TRPS1: variants seen among roughly 807,000 people sequenced by gnomAD.
TRPS1 encodes zinc finger transcription factor Trps1.
A neutral mutation model predicts 101.2 loss-of-function variants in TRPS1; 6 were observed. The observed-to-expected ratio is 0.06, with a 90% confidence interval of 0.03 to 0.12. TRPS1 has a LOEUF of 0.12. TRPS1 is among the 10% of genes least tolerant of loss of function. TRPS1 has a pLI of 1.00. For synonymous variants in TRPS1, 578 were observed against 589.8 expected (o/e 0.98, Z 0.29); for missense variants, 1,363 against 1,567.0 (o/e 0.87, Z 2.20).
At chr8:115,447,030 A>C (rs1444249969) in intron 5 of TRPS1, among the ~76,000 whole-genome samples, 2 of 152,098 alleles carry the variant, frequency 1.3e-5, no homozygotes, top group Non-Finnish European at 2.9e-5. Context: ...GCCCTACTCC[A>C]AGACCCGGTG....
intron 1 of TRPS1, among the ~76,000 whole-genome samples, chr8:115,625,396 T>C (rs1818483288): frequency 6.6e-6 from 1 of 151,894 alleles, no homozygotes; most frequent in Admixed American, 6.6e-5. Context: ...TCTACAATAG[T>C]TCCGGTTAAT....
rs62513007 is a variant in TRPS1, at chr8:115,535,093, C to A, written c.2700+51908G>T. Reference sequence around the variant, plus strand: ...ATAAGCATATATATAGCATATATATCGCATATGTATAGCATATATATCGCA... The same window carrying A: ...ATAAGCATATATATAGCATATATATAGCATATGTATAGCATATATATCGCA... On this transcript the variant is annotated intron_variant, in intron 5 of 6. Coordinates refer to ENST00000395715, the MANE Select transcript of TRPS1 (RefSeq NM_014112.5). 1.3e-4 allele frequency among the ~76,000 whole-genome samples: 18 copies of A among 142,806 alleles called. No homozygotes were observed. The East Asian group carries it at 2.9e-3, about 23-fold the overall frequency. The allele number at this position is 142,806 out of a possible 152,430, so 93.7% of individuals were successfully genotyped here. A position where few individuals can be genotyped will look rare whatever the true frequency, so the allele number is the denominator to read the frequency against.
chr8:115,649,543 G>C (rs563125503), intron 1 of TRPS1, among the ~76,000 whole-genome samples: 78 of 152,310 alleles, frequency 5.1e-4, no homozygotes, highest in African/African-American at 1.9e-3. Flanking sequence ...TGCTCAACCA[G>C]TGTGAATCAG....
intron 5 of TRPS1, chr8:115,511,221 T>G (rs1333065160): frequency 6.6e-6 from 1 of 151,880 alleles, no homozygotes. Flanking sequence ...ATTTAGTAGA[T>G]GTCTATAAAT....
intron 5 of TRPS1, among the ~76,000 whole-genome samples, chr8:115,491,270 A>T (rs192823703): frequency 2.9e-4 from 44 of 152,346 alleles, no homozygotes; most frequent in Admixed American, 2.9e-3. Context: ...ATGTTGCCAG[A>T]TAAAACTCCA....
intron 5 of TRPS1, among the ~76,000 whole-genome samples, chr8:115,527,764 G>A (rs1816034623): frequency 6.6e-6 from 1 of 152,036 alleles, no homozygotes; most frequent in African/African-American, 2.4e-5. Flanking sequence ...GGATAATTGA[G>A]CATTAATAAA....
intron 5 of TRPS1, among the ~76,000 whole-genome samples, chr8:115,554,372 C>T (rs1816770693): frequency 6.6e-6 from 1 of 152,176 alleles, no homozygotes; most frequent in South Asian, 2.1e-4. Context: ...AGGGCCCCAC[C>T]TCATACCAAA....
intron 5 of TRPS1, among the ~76,000 whole-genome samples, chr8:115,451,659 T>C (rs933477255): frequency 1.3e-5 from 2 of 152,320 alleles, no homozygotes; most frequent in Admixed American, 1.3e-4. Context: ...CATGTCTTTA[T>C]GCTGGTGCTT....
chr8:115,579,901 C>T (rs1290900845), intron 5 of TRPS1, among the ~76,000 whole-genome samples: 1 of 134,098 alleles, frequency 7.5e-6, no homozygotes, highest in Non-Finnish European at 1.5e-5. Context: ...CAATTTATCA[C>T]AAGTGTGCTG....
intron 1 of TRPS1, among the ~76,000 whole-genome samples, chr8:115,659,795 G>C (rs1168399131): frequency 6.6e-6 from 1 of 151,848 alleles, no homozygotes; most frequent in Non-Finnish European, 1.5e-5. Flanking sequence ...TGTCTATCAT[G>C]CTCTCATTTC....
At position 115,414,201 on chromosome 8, in the gene TRPS1, A is replaced by G. The variant is rs1812855997; in HGVS notation, c.3707T>C (p.Val1236Ala). Residue 1236 changes from valine (V) to alanine (A), a missense_variant, in exon 7 of 7, where the codon GTC (valine) becomes GCC (alanine). Val to Ala is a moderately conservative substitution (Grantham distance 64, BLOSUM62 0). This residue lies in a region of TRPS1 where 307 missense variants were observed against 392.4 expected (regional missense o/e 0.78). Transcript: ENST00000395715. The surrounding 1 kb of genome is among the most constrained non-coding windows in gnomAD (Gnocchi z 4.8). ...AGCATACATCACTTCATCCAGAAAG[A>G]CAATGCCACAGTGCACACATTTTGT... ...LSTKCVHCGI[V>A]FLDEVMYALH... 6.2e-7 allele frequency: 1 copy of G among 1,614,058 alleles called. No individual in the cohort carries two copies. Among genetic ancestry groups the G allele is most frequent in the Non-Finnish European group, 8.5e-7 (1 of 1,179,952 alleles).
chr8:115,462,378 C>T (rs1814201969), intron 5 of TRPS1, among the ~76,000 whole-genome samples: 1 of 152,106 alleles, frequency 6.6e-6, no homozygotes, highest in Non-Finnish European at 1.5e-5. Context: ...TACTTGGATC[C>T]ACTCTTGCTG....
chr8:115,557,004 T>G (rs558284710), intron 5 of TRPS1, among the ~76,000 whole-genome samples: 1 of 152,132 alleles, frequency 6.6e-6, no homozygotes, highest in African/African-American at 2.4e-5. Context: ...GGACTTACAA[T>G]TCCACATGGC....
At chr8:115,575,256 A>G (rs1360270751) in intron 5 of TRPS1, among the ~76,000 whole-genome samples, 1 of 152,202 alleles carries the variant, frequency 6.6e-6, no homozygotes, top group Non-Finnish European at 1.5e-5. Context: ...CTAGTACAAC[A>G]TATAGTGAAA....
chr8:115,460,985 A>G (rs141964817), intron 5 of TRPS1, among the ~76,000 whole-genome samples: 343 of 152,280 alleles, frequency 2.3e-3, no homozygotes, highest in Non-Finnish European at 4.1e-3. Flanking sequence ...AAGGCCCCAC[A>G]ATAGCATAGT....
At chr8:115,535,336 C>T (rs367885051) in intron 5 of TRPS1, among the ~76,000 whole-genome samples, 3 of 48,042 alleles carry the variant, frequency 6.2e-5, no homozygotes, top group South Asian at 5.4e-4. Flanking sequence ...GCATATATAG[C>T]GCATATATAT....
intron 5 of TRPS1, among the ~76,000 whole-genome samples, chr8:115,458,401 T>C (rs1814082916): frequency 6.6e-6 from 1 of 152,140 alleles, no homozygotes. Flanking sequence ...ATATAATTAA[T>C]AACAATTTGA....
chr8:115,632,942 C>CTACA (rs1320821366), intron 1 of TRPS1, among the ~76,000 whole-genome samples: 5 of 152,128 alleles, frequency 3.3e-5, no homozygotes, highest in African/African-American at 4.8e-5. Flanking sequence ...ATTCATTGAG[C>CTACA]TACAGACTTA....
intron 5 of TRPS1, among the ~76,000 whole-genome samples, chr8:115,513,526 G>A (rs867497251): frequency 1.8e-4 from 27 of 151,546 alleles, no homozygotes; most frequent in Non-Finnish European, 1.0e-4. Context: ...ACTTAACAGA[G>A]CAAGGGTTAA....
Sources: allele counts gnomAD v4.1 joint callset (sites outside exome capture counted in the v4.1 genomes callset), GRCh38; gene constraint gnomAD v4.1.1; regional missense constraint gnomAD v4.1.1; non-coding constraint Gnocchi (gnomAD v3.1); transcripts MANE v1.5; gene names NCBI Gene and HGNC (gene_info 2026-07-23, HGNC 2026-07-21).